Variants in DNAH5 observed in about 807,000 individuals in gnomAD.
DNAH5 encodes the protein dynein axonemal heavy chain 5, also known as axonemal beta dynein heavy chain 5.
DNAH5 carries 372 observed loss-of-function variants against 518.2 expected under a neutral mutation model. That is an observed-to-expected ratio of 0.72 (90% CI 0.66 to 0.78). The LOEUF is 0.78. Among genes scored for constraint, DNAH5 ranks in the 30% least tolerant of loss-of-function variants. DNAH5 has a pLI of 0.00. For synonymous variants in DNAH5, 2,039 were observed against 2,025.9 expected (o/e 1.01, Z -0.17); for missense variants, 5,523 against 5,687.0 (o/e 0.97, Z 0.93).
At position 13,732,423 on chromosome 5, in the gene DNAH5, G is replaced by T. The variant is rs111807980; in HGVS notation, c.11761+2708C>A. Among the ~76,000 whole-genome samples the T allele has an allele frequency of 5.6e-3, 847 of 152,234 alleles. 7 individuals are homozygous for T. The highest frequency in any genetic ancestry group is 8.2e-3 in the Non-Finnish European group (561 of 68,008). On this transcript the variant is annotated intron_variant, in intron 68 of 78. Coordinates refer to ENST00000265104, the MANE Select transcript of DNAH5 (RefSeq NM_001369.3). ...GCTCTGTCACCCAGGCTGGAGTGCA[G>T]TGGCGCAATCTCGGCTCACTGCAAC...
At chr5:13,734,573 A>T (rs1747083952) in intron 68 of DNAH5, among the ~76,000 whole-genome samples, 1 of 152,034 alleles carries the variant, frequency 6.6e-6, no homozygotes, top group Non-Finnish European at 1.5e-5. Flanking sequence ...TATCTACATC[A>T]CACCAGCCTC....
intron 28 of DNAH5, among the ~76,000 whole-genome samples, chr5:13,863,759 G>A (rs1303149859): frequency 1.3e-5 from 2 of 151,906 alleles, no homozygotes; most frequent in Admixed American, 6.6e-5. Context: ...CCTTACAAAC[G>A]GTCAACCTAA....
chr5:13,692,258 G>A (rs916335916), intron 78 of DNAH5, 123 bp from the exon 79 acceptor site: 12 of 1,079,668 alleles, frequency 1.1e-5, no homozygotes, highest in East Asian at 7.7e-5. Flanking sequence ...GGCTGAATGA[G>A]GGACATTCTT....
chr5:13,879,799 T>C (rs990607137), intron 21 of DNAH5, among the ~76,000 whole-genome samples: 11 of 151,930 alleles, frequency 7.2e-5, no homozygotes, highest in African/African-American at 2.4e-4. Flanking sequence ...AATGAAGATA[T>C]CTTAACAGAC....
chr5:13,882,521 A>G (rs1771813368), intron 21 of DNAH5, among the ~76,000 whole-genome samples: 1 of 152,232 alleles, frequency 6.6e-6, no homozygotes, highest in East Asian at 1.9e-4. Flanking sequence ...ATGCAAATCA[A>G]TAAATGTGAT....
rs776295192 is a variant in DNAH5, at chr5:13,890,965, G to T, written c.2577+11C>A. On this transcript the variant is annotated intron_variant, in intron 17 of 78. Transcript: ENST00000265104. ...AAAACCTTAAACAAAAAAAATCAAGGTTTTAATGACCTTTGTCATTTGGAG... is the reference window on the plus strand; with the variant it reads ...AAAACCTTAAACAAAAAAAATCAAGTTTTTAATGACCTTTGTCATTTGGAG... 9.9e-6 allele frequency: 16 copies of T among 1,613,782 alleles called. No homozygotes were observed. The highest frequency in any genetic ancestry group is 1.2e-5 in the Non-Finnish European group (14 of 1,179,952).
intron 51 of DNAH5, 65 bp downstream of exon 51, chr5:13,788,651 T>C (rs1254814760): frequency 2.2e-6 from 3 of 1,351,830 alleles, no homozygotes; most frequent in Non-Finnish European, 3.2e-6. Flanking sequence ...CTGAATCTTC[T>C]GTCTTCAGAT....
intron 76 of DNAH5, among the ~76,000 whole-genome samples, chr5:13,703,411 A>T (rs1394045335): frequency 6.9e-6 from 1 of 145,670 alleles, no homozygotes; most frequent in Non-Finnish European, 1.5e-5. Flanking sequence ...AAGTTAGCCC[A>T]TAAGAGACAT....
chr5:13,841,936 A>AAAAAAAAAAAAAAAAAAAAG (rs1561405464), intron 32 of DNAH5, 32 bp from the exon 33 acceptor site: 1 of 1,068,496 alleles, frequency 9.4e-7, no homozygotes, highest in Non-Finnish European at 1.4e-6. Flanking sequence ...AAAAAAAAAA[A>AAAAAAAAAAAAAAAAAAAAG]AGCTATAGTC....
chr5:13,695,736 T>C (rs1399761127), intron 78 of DNAH5, among the ~76,000 whole-genome samples: 3 of 152,156 alleles, frequency 2.0e-5, no homozygotes, highest in South Asian at 2.1e-4. Flanking sequence ...GTGCCTGGTA[T>C]AGTATGATGC....
At chr5:13,713,464 T>TATATATATAC (rs1554018872) in intron 75 of DNAH5, among the ~76,000 whole-genome samples, 1 of 118,770 alleles carries the variant, frequency 8.4e-6, no homozygotes, top group African/African-American at 3.9e-5. Flanking sequence ...TATATATATA[T>TATATATATAC]ATACACACAC....
Position 13,867,765 on chromosome 5 carries a change from G to A in DNAH5, c.4053+9C>T. On this transcript the variant is annotated intron_variant, in intron 25 of 78. Transcript: ENST00000265104. ...CCGAAAACGCACACAGAGAAAGCCA[G>A]AGACATACCAAATCATAGTCCAGAT... 1 of 1,608,350 alleles carries A rather than the reference G, an allele frequency of 6.2e-7. No homozygotes were observed. The highest frequency in any genetic ancestry group is 8.5e-7 in the Non-Finnish European group (1 of 1,175,056).
Position 13,737,255 on chromosome 5 carries a change from G to A in DNAH5, c.11452C>T (p.Pro3818Ser), listed in dbSNP as rs1561141808. 2 of 1,613,872 alleles carry A rather than the reference G, an allele frequency of 1.2e-6. No homozygotes were observed. Among genetic ancestry groups the A allele is most frequent in the East Asian group, 2.2e-5 (1 of 44,870 alleles). The change falls in exon 66 of 79, where the codon CCT becomes TCT. Residue 3818 changes from proline (P) to serine (S), a missense_variant. Pro to Ser is a moderately conservative substitution (Grantham distance 74). Transcript: ENST00000265104. ...QINSAREEYR[P>S]VATRGSILYF... is the part of the protein sequence containing the mutation. ...TGTCTTTCATTACCAAACTCACCAG[G>A]TCTGTATTCCTCCCGGGCTGAGTTA...
rs562550428 is a variant in DNAH5 at position 13,855,872 on chromosome 5, T to C, written c.4950+3580A>G. On this transcript the variant is annotated intron_variant, in intron 30 of 78. Transcript: ENST00000265104. ...CAAAATTGCACAACTACATGGAAAC[T>C]GAACAACCAGCTCCTGAATGCCTAC... is the stretch of plus-strand genomic sequence containing the variant. Among the ~76,000 whole-genome samples, 7 of 152,226 alleles carry C rather than the reference T, an allele frequency of 4.6e-5. No individual in the cohort carries two copies. In the South Asian group the frequency reaches 1.5e-3, roughly 32 times the overall value.
At position 13,830,669 on chromosome 5, in the gene DNAH5, G is replaced by C; in HGVS notation, c.5989C>G (p.Leu1997Val). ...TETTKDMGRCLGKYVVVFNCS... is the reference protein window; with the variant it reads ...TETTKDMGRCVGKYVVVFNCS... ...TTGAAAACCACGACGTATTTCCCGA[G>C]GCATCGTCCCATGTCTTTAGTGGTT... Residue 1997 changes from leucine (L) to valine (V), a missense_variant, in exon 36 of 79, where the codon CTC becomes GTC. By Grantham distance (32) the Leu-to-Val change is conservative. Around this residue, in one of 3 missense-constraint regions of DNAH5, gnomAD observed 5,121 missense variants for 5,223.3 expected, o/e 0.98. Coordinates refer to ENST00000265104, the MANE Select transcript of DNAH5 (RefSeq NM_001369.3). 1 of 1,614,158 alleles carries C rather than the reference G, an allele frequency of 6.2e-7. No individual in the cohort carries two copies. Among genetic ancestry groups the C allele is most frequent in the South Asian group, 1.1e-5 (1 of 91,080 alleles).
intron 1 of DNAH5, among the ~76,000 whole-genome samples, chr5:14,007,619 A>T (rs1300041104): frequency 6.6e-6 from 1 of 152,186 alleles, no homozygotes; most frequent in Non-Finnish European, 1.5e-5. Flanking sequence ...AAATAGCATA[A>T]GCTTTGGACA....
intron 1 of DNAH5, among the ~76,000 whole-genome samples, chr5:13,939,591 G>A (rs1013926504): frequency 8.6e-5 from 13 of 152,034 alleles, no homozygotes; most frequent in Middle Eastern, 6.8e-3. Context: ...ACAGGGCCCC[G>A]TCTCCTTTCC....
intron 51 of DNAH5, among the ~76,000 whole-genome samples, chr5:13,786,674 G>A (rs139641439): frequency 1.3e-5 from 2 of 152,266 alleles, no homozygotes; most frequent in South Asian, 4.1e-4. Flanking sequence ...GTCAAGTGCT[G>A]AATGTCAGAA....
chr5:13,813,215 TTAAAG>T (rs1335179821), intron 43 of DNAH5, among the ~76,000 whole-genome samples: 1 of 152,168 alleles, frequency 6.6e-6, no homozygotes, highest in African/African-American at 2.4e-5. Flanking sequence ...GGGTATAGCA[TTAAAG>T]TAAAGGTCTT....
Sources: gnomAD v4.1 joint callset for allele counts (sites outside exome capture counted in the v4.1 genomes callset) on GRCh38, gnomAD v4.1.1 for gene constraint, gnomAD v4.1.1 regional missense constraint, MANE v1.5 for transcripts, NCBI Gene and HGNC (gene_info 2026-07-23, HGNC 2026-07-21) for gene names.